ITGAL: variants seen among roughly 807,000 people sequenced by gnomAD.
ITGAL encodes integrin alpha-L.
A neutral mutation model predicts 138.4 loss-of-function variants in ITGAL; 68 were observed. The ratio of observed to expected loss-of-function variants is 0.49; its 90% CI spans 0.40 to 0.60. The LOEUF is 0.60. ITGAL is among the 20% of genes least tolerant of loss of function. The probability of loss-of-function intolerance (pLI) is 0.00; values close to 1 mark genes in which losing one functional copy is unlikely to be tolerated. For missense variants in ITGAL, 1,256 were observed against 1,478.6 expected (o/e 0.85, Z 2.47); for synonymous variants, 561 against 584.3 (o/e 0.96, Z 0.57).
chr16:30,510,865 T>C lies in ITGAL; in HGVS notation c.2620-16T>C, dbSNP rs777912308. The C allele has an allele frequency of 2.5e-6, 4 of 1,610,272 alleles. No individual in the cohort carries two copies. Among genetic ancestry groups the C allele is most frequent in the Non-Finnish European group, 3.4e-6 (4 of 1,176,656 alleles). ...CATGACCCTTCCATTTCCATTGCCCTCTCCTTTCCTGCCAGGTTGCTCTGC... is the reference window on the plus strand; with the variant it reads ...CATGACCCTTCCATTTCCATTGCCCCCTCCTTTCCTGCCAGGTTGCTCTGC... On this transcript the variant is annotated splice_polypyrimidine_tract_variant and intron_variant, in intron 22 of 30. Transcript: ENST00000356798.
chr16:30,499,431 G>C lies in ITGAL; in HGVS notation c.2087G>C (p.Arg696Thr). ...GLFPGGRHEL[R>T]RNIAVTTSMS... ...TTCCCAGGAGGGAGACATGAACTCA[G>C]AAGGAATATAGCTGTCACCACCAGC... The change falls in exon 17 of 31, where the codon AGA becomes ACA. Residue 696 changes from arginine (R) to threonine (T), a missense_variant. Transcript: ENST00000356798. The C allele has an allele frequency of 1.2e-6, 2 of 1,614,046 alleles. No homozygotes were observed. Among genetic ancestry groups the C allele is most frequent in the Non-Finnish European group, 1.7e-6 (2 of 1,180,024 alleles).
At chr16:30,516,872 G>A (rs1271294412) in intron 25 of ITGAL, 101 bp from the exon 26 acceptor site, 5 of 833,294 alleles carry the variant, frequency 6.0e-6, no homozygotes, top group Admixed American at 1.7e-5. Flanking sequence ...TGGGGACTCA[G>A]CCAATGAGGA....
intron 6 of ITGAL, 32 bp downstream of exon 6, chr16:30,479,493 T>C: frequency 1.9e-6 from 3 of 1,602,204 alleles, no homozygotes; most frequent in Non-Finnish European, 2.6e-6. Context: ...CTTGGTTGCA[T>C]GCAATAGATG....
chr16:30,510,243 G>A (rs1376122887), intron 21 of ITGAL, 118 bp from the exon 22 acceptor site: 3 of 681,494 alleles, frequency 4.4e-6, no homozygotes, highest in South Asian at 3.3e-5. Flanking sequence ...CTTTCCCGCT[G>A]AGAAGGTTCC....
At chr16:30,504,694 C>T (rs1290368726) in intron 18 of ITGAL, among the ~76,000 whole-genome samples, 3 of 146,940 alleles carry the variant, frequency 2.0e-5, no homozygotes, top group Non-Finnish European at 4.5e-5. Flanking sequence ...GGCAACAGCA[C>T]GAAACCCTGT....
At chr16:30,486,710 G>A (rs578004821) in intron 9 of ITGAL, among the ~76,000 whole-genome samples, 1 of 152,204 alleles carries the variant, frequency 6.6e-6, no homozygotes, top group East Asian at 1.9e-4. Flanking sequence ...GGAGAGAGAA[G>A]GTTGGCAGGG....
rs143148536 is a variant in ITGAL at position 30,487,871 on chromosome 16, C to T, written c.1007-1211C>T. On this transcript the variant is annotated intron_variant, in intron 9 of 30. Transcript: ENST00000356798. ...TAGCTGGGATTACAGGCATGTCCCA[C>T]CATGCCTAGCTAATTTTTGTACTTT... is the stretch of plus-strand genomic sequence containing the variant. 6.6e-5 allele frequency among the ~76,000 whole-genome samples: 10 copies of T among 152,038 alleles called. 1 individual carries two copies. In the East Asian group the frequency reaches 1.2e-3, roughly 18 times the overall value.
chr16:30,493,790 G>A (rs749077160), intron 11 of ITGAL, among the ~76,000 whole-genome samples: 9 of 152,110 alleles, frequency 5.9e-5, no homozygotes, highest in Non-Finnish European at 1.3e-4. Flanking sequence ...TATTTGGGAG[G>A]TTGAGGCAGG....
At chr16:30,489,483 C>T in intron 11 of ITGAL, 97 bp downstream of exon 11, 2 of 1,173,646 alleles carry the variant, frequency 1.7e-6, no homozygotes, top group African/African-American at 1.5e-5. Context: ...AGTTAAGCAA[C>T]CAGCATGAAC....
intron 27 of ITGAL, 24 bp downstream of exon 27, chr16:30,517,729 C>A: frequency 6.2e-7 from 1 of 1,613,244 alleles, no homozygotes; most frequent in South Asian, 1.1e-5. Flanking sequence ...AGCTGAGAGA[C>A]GGTGGGGCTG....
At chr16:30,519,833 G>T (rs1400650905) in intron 29 of ITGAL, 24 bp from the exon 30 acceptor site, 11 of 1,533,070 alleles carry the variant, frequency 7.2e-6, no homozygotes, top group Non-Finnish European at 8.1e-6. Flanking sequence ...GCATTTTCCG[G>T]CACTCCCCTC....
In ITGAL at chr16:30,489,365, G is replaced by A; in HGVS notation, c.1192G>A (p.Glu398Lys). Residue 398 changes from glutamate (E) to lysine (K), a missense_variant, in exon 11 of 31, where the codon GAA (glutamate) becomes AAA (lysine). By Grantham distance (56) the Glu-to-Lys change is moderately conservative. Transcript: ENST00000356798. ...TATTGGGAATGAACCATTGACACCA[G>A]AAGTGAGAGCAGGCTATTTGGGTGA... ...TFIGNEPLTP[E>K]VRAGYLGYTV... 6.2e-7 allele frequency: 1 copy of A among 1,614,232 alleles called. No homozygotes were observed. The highest frequency in any genetic ancestry group is 8.5e-7 in the Non-Finnish European group (1 of 1,180,054).
chr16:30,474,394 T>A, intron 2 of ITGAL, 96 bp downstream of exon 2: 1 of 821,588 alleles, frequency 1.2e-6, no homozygotes, highest in Non-Finnish European at 2.0e-6. Flanking sequence ...GGCTAGTCGG[T>A]GGCACGAGGC....
chr16:30,501,187 T>G (rs947265749), intron 17 of ITGAL, among the ~76,000 whole-genome samples: 3 of 152,110 alleles, frequency 2.0e-5, no homozygotes, highest in Non-Finnish European at 4.4e-5. Flanking sequence ...TTTAACATGA[T>G]TACAATGGCA....
rs544534267 is a variant in ITGAL at position 30,515,790 on chromosome 16, G to A, written c.2863-1183G>A. 5.3e-5 allele frequency among the ~76,000 whole-genome samples: 8 copies of A among 152,268 alleles called. No individual in the cohort carries two copies. The South Asian group carries it at 1.7e-3, about 32-fold the overall frequency. ...AGTTCAAGACCAGCCTGGCCAACATGATGAAACCCCATCTCTACTAAAAAT... is the reference window on the plus strand; with the variant it reads ...AGTTCAAGACCAGCCTGGCCAACATAATGAAACCCCATCTCTACTAAAAAT... On this transcript the variant is annotated intron_variant, in intron 25 of 30. Coordinates refer to ENST00000356798, the MANE Select transcript of ITGAL (RefSeq NM_002209.3).
intron 20 of ITGAL, among the ~76,000 whole-genome samples, chr16:30,505,793 G>A (rs1054983169): frequency 2.0e-5 from 3 of 152,180 alleles, no homozygotes; most frequent in Non-Finnish European, 4.4e-5. Flanking sequence ...TTGAGGCAGA[G>A]GATGGCTTGA....
chr16:30,497,678 C>T (rs2050822565), intron 15 of ITGAL, among the ~76,000 whole-genome samples: 1 of 151,726 alleles, frequency 6.6e-6, no homozygotes, highest in African/African-American at 2.4e-5. Flanking sequence ...GGGGTTTCGC[C>T]ATGTTGGCCA....
chr16:30,510,872 TC>T lies in ITGAL; in HGVS notation c.2620-7del. The T allele has an allele frequency of 6.2e-7, 1 of 1,613,204 alleles. No homozygotes were observed. Among genetic ancestry groups the T allele is most frequent in the East Asian group, 2.2e-5 (1 of 44,850 alleles). ...CTTCCATTTCCATTGCCCTCTCCTTTCCTGCCAGGTTGCTCTGCAGATGATG... is the reference window on the plus strand; with the variant it reads ...CTTCCATTTCCATTGCCCTCTCCTTTCTGCCAGGTTGCTCTGCAGATGATG... On this transcript the variant is annotated splice_polypyrimidine_tract_variant and splice_region_variant and intron_variant, in intron 22 of 30. Coordinates refer to ENST00000356798, the MANE Select transcript of ITGAL (RefSeq NM_002209.3).
In ITGAL at chr16:30,483,893, G is replaced by A. The variant is rs371338502; in HGVS notation, c.789G>A (p.Thr263=). 100 of 1,614,080 alleles carry A rather than the reference G, an allele frequency of 6.2e-5. No individual in the cohort carries two copies. In the African/African-American group the frequency reaches 1.2e-3, roughly 19 times the overall value. Residue 263 remains threonine (T), a synonymous_variant, in exon 8 of 31, where the codon ACG becomes ACA. Coordinates refer to ENST00000356798, the MANE Select transcript of ITGAL (RefSeq NM_002209.3). The stretch of plus-strand genomic sequence containing the variant: ...CCACCAAAGTGCTTATCATCATCAC[G>A]GATGGGGAGGCCACTGACAGTGGCA... ...PDATKVLIII[T]DGEATDSGNI...
Sources: allele counts gnomAD v4.1 joint callset (sites outside exome capture counted in the v4.1 genomes callset), GRCh38; gene constraint gnomAD v4.1.1; transcripts MANE v1.5; gene names NCBI Gene and HGNC (gene_info 2026-07-23, HGNC 2026-07-21).